The following MALRD1 variants were observed in gnomAD, a reference collection of about 807,000 sequenced individuals.
MALRD1 encodes the protein MAM and LDL-receptor class A domain-containing protein 1.
A neutral mutation model predicts 242.1 loss-of-function variants in MALRD1; 247 were observed. The ratio of observed to expected loss-of-function variants is 1.02; its 90% CI spans 0.92 to 1.13. MALRD1 has a LOEUF of 1.13. Ranked by LOEUF, MALRD1 falls within the 50% of genes most tolerant of loss-of-function variation. The pLI, the probability that MALRD1 is intolerant of heterozygous loss-of-function variation, is 0.00. For synonymous variants in MALRD1, 995 were observed against 866.6 expected, an observed-to-expected ratio of 1.15 and a Z score of -2.60; for missense variants, 2,989 against 2,533.1, an observed-to-expected ratio of 1.18 and a Z score of -3.86.
At chr10:19,246,090 A>G (rs1030258115) in intron 18 of MALRD1, among the ~76,000 whole-genome samples, 6 of 152,134 alleles carry the variant, frequency 3.9e-5, no homozygotes, top group African/African-American at 1.2e-4. Flanking sequence ...TGTGGTGTCA[A>G]TACAGTATCC....
rs186765195 is a variant in MALRD1, at chr10:19,605,635, T to C, written c.5945-2142T>C. ...CCTACTTTACTATATGGCTTTTCTC[T>C]AGAAATATTAAAATTTTAAATATAT... On this transcript the variant is annotated intron_variant, in intron 34 of 39. Transcript: ENST00000454679. 1.1e-4 allele frequency among the ~76,000 whole-genome samples: 17 copies of C among 152,110 alleles called. No homozygotes were observed. The East Asian group carries it at 3.3e-3, about 29-fold the overall frequency.
chr10:19,586,809 G>A (rs918090120), intron 33 of MALRD1, among the ~76,000 whole-genome samples: 1 of 152,220 alleles, frequency 6.6e-6, no homozygotes, highest in Non-Finnish European at 1.5e-5. Flanking sequence ...GCAATGGCAG[G>A]TGCCCCTCCC....
At chr10:19,590,684 A>C (rs1837730396) in intron 33 of MALRD1, among the ~76,000 whole-genome samples, 1 of 152,168 alleles carries the variant, frequency 6.6e-6, no homozygotes, top group Admixed American at 6.6e-5. Context: ...AGCAAAATTA[A>C]TACGTGTATA....
intron 11 of MALRD1, among the ~76,000 whole-genome samples, chr10:19,149,082 A>G (rs1170405338): frequency 8.2e-6 from 1 of 121,746 alleles, no homozygotes; most frequent in Non-Finnish European, 1.9e-5. Context: ...CTGTCCATCT[A>G]TCTATCTATC....
chr10:19,516,782 C>T (rs574699051), intron 31 of MALRD1, among the ~76,000 whole-genome samples: 37 of 150,660 alleles, frequency 2.5e-4, no homozygotes, highest in Non-Finnish European at 4.1e-4. Context: ...TCTCCTCCCT[C>T]TTCTCCTCCT....
chr10:19,443,456 T>G (rs1373070965), intron 28 of MALRD1, among the ~76,000 whole-genome samples: 3 of 152,198 alleles, frequency 2.0e-5, no homozygotes, highest in Admixed American at 6.5e-5. Flanking sequence ...TTGTGGGCAT[T>G]TAGTGCTATA....
intron 29 of MALRD1, among the ~76,000 whole-genome samples, chr10:19,467,118 G>C (rs190118785): frequency 3.9e-5 from 6 of 152,098 alleles, no homozygotes; most frequent in African/African-American, 1.4e-4. Context: ...ACTTTGGGAG[G>C]CTGAGGCAGG....
intron 29 of MALRD1, among the ~76,000 whole-genome samples, chr10:19,453,837 A>G (rs570774042): frequency 6.1e-4 from 93 of 151,938 alleles, no homozygotes; most frequent in African/African-American, 2.1e-3. Flanking sequence ...AGATCGCACC[A>G]CTGCGTTCCA....
chr10:19,275,819 A>C (rs933376343), intron 19 of MALRD1, among the ~76,000 whole-genome samples: 20 of 152,304 alleles, frequency 1.3e-4, no homozygotes, highest in African/African-American at 4.3e-4. Flanking sequence ...TGTTTATTGA[A>C]GTTTCTGTGT....
intron 17 of MALRD1, among the ~76,000 whole-genome samples, 183 bp from the exon 18 acceptor site, chr10:19,209,080 TATATC>T (rs1190811977): frequency 1.3e-5 from 2 of 152,216 alleles, no homozygotes; most frequent in Non-Finnish European, 2.9e-5. Flanking sequence ...TATTAATTGA[TATATC>T]ATTTAGAAAC....
Position 19,631,383 on chromosome 10 carries a change from C to T in MALRD1, c.6137+15460C>T, listed in dbSNP as rs147870518. On this transcript the variant is annotated intron_variant, in intron 36 of 39. Transcript: ENST00000454679. Reference sequence around the variant, plus strand: ...TGTATATGTATCATATTTCTTTTGTCCAGTCTGCCATTGATTGGCATGTAA... The same window carrying T: ...TGTATATGTATCATATTTCTTTTGTTCAGTCTGCCATTGATTGGCATGTAA... Among the ~76,000 whole-genome samples the T allele has an allele frequency of 1.3e-3, 204 of 152,160 alleles. 1 individual carries two copies. The highest frequency in any genetic ancestry group is 2.0e-3 in the Non-Finnish European group (138 of 68,008).
chr10:19,581,323 C>T (rs1837110701), intron 33 of MALRD1, among the ~76,000 whole-genome samples: 1 of 150,110 alleles, frequency 6.7e-6, no homozygotes, highest in Non-Finnish European at 1.5e-5. Flanking sequence ...CACCCACTAA[C>T]TCGTCATCTA....
At chr10:19,652,552 G>C (rs1230849140) in intron 36 of MALRD1, among the ~76,000 whole-genome samples, 1 of 152,156 alleles carries the variant, frequency 6.6e-6, no homozygotes, top group Non-Finnish European at 1.5e-5. Flanking sequence ...GAAATTCACT[G>C]TGTGCTGTGG....
chr10:19,602,274 C>G (rs1360845780), intron 34 of MALRD1, among the ~76,000 whole-genome samples: 1 of 149,166 alleles, frequency 6.7e-6, no homozygotes, highest in Non-Finnish European at 1.5e-5. Context: ...TATACATGCG[C>G]CATGCTGGTG....
At chr10:19,355,842 ATTATATATATATATAT>A (rs1844605364) in intron 26 of MALRD1, among the ~76,000 whole-genome samples, 1 of 112,302 alleles carries the variant, frequency 8.9e-6, no homozygotes, top group Non-Finnish European at 1.8e-5. Context: ...AAGAACATAT[ATTATATATATATATAT>A]TATATATGAT....
chr10:19,646,371 A>AG (rs1463048541), intron 36 of MALRD1, among the ~76,000 whole-genome samples: 76 of 152,292 alleles, frequency 5.0e-4, no homozygotes, highest in Middle Eastern at 6.8e-3. Context: ...CGGGAGGCCG[A>AG]GGGGGGCAGA....
chr10:19,591,401 A>C (rs1055706879), intron 33 of MALRD1, among the ~76,000 whole-genome samples: 17 of 152,196 alleles, frequency 1.1e-4, no homozygotes, highest in African/African-American at 3.9e-4. Flanking sequence ...TAATTAGGTA[A>C]ATCCATGGGT....
At chr10:19,244,224 T>A (rs968243680) in intron 18 of MALRD1, among the ~76,000 whole-genome samples, 8 of 152,182 alleles carry the variant, frequency 5.3e-5, no homozygotes, top group Non-Finnish European at 1.0e-4. Context: ...CACTGGTTCC[T>A]TAGGCTTCTT....
intron 38 of MALRD1, among the ~76,000 whole-genome samples, chr10:19,718,369 C>G (rs1030558454): frequency 1.3e-5 from 2 of 152,080 alleles, no homozygotes; most frequent in Non-Finnish European, 2.9e-5. Flanking sequence ...AATCAGGGAG[C>G]TTTTACTAAT....
Sources: allele counts gnomAD v4.1 joint callset (sites outside exome capture counted in the v4.1 genomes callset), GRCh38; gene constraint gnomAD v4.1.1; transcripts MANE v1.5; gene names NCBI Gene and HGNC (gene_info 2026-07-23, HGNC 2026-07-21).